The following ATP1B3 variants were observed in gnomAD, a reference collection of about 807,000 sequenced individuals.
ATP1B3 encodes ATPase Na+/K+ transporting subunit beta 3, also known as sodium/potassium-transporting ATPase subunit beta-3.
In ATP1B3, 10 loss-of-function variants were observed where a neutral mutation model predicts 30.2. The observed-to-expected ratio is 0.33, with a 90% CI of 0.20 to 0.56. The LOEUF is 0.56. ATP1B3 is among the 20% of genes least tolerant of loss of function. The probability of loss-of-function intolerance (pLI) is 0.90; values close to 1 mark genes in which losing one functional copy is unlikely to be tolerated. For synonymous variants in ATP1B3, 113 were observed against 117.0 expected, an observed-to-expected ratio of 0.97 and a Z score of 0.22; for missense variants, 238 against 336.7, an observed-to-expected ratio of 0.71 and a Z score of 2.29.
At chr3:141,901,992 C>A (rs1482898467) in intron 1 of ATP1B3, 4 of 492,770 alleles carry the variant, frequency 8.1e-6, no homozygotes, top group African/African-American at 6.0e-5. Flanking sequence ...GATTTTATCC[C>A]TTCGTTCCTG....
chr3:141,922,827 G>C (rs1027141359), intron 6 of ATP1B3, among the ~76,000 whole-genome samples: 5 of 151,832 alleles, frequency 3.3e-5, no homozygotes, highest in African/African-American at 1.2e-4. Flanking sequence ...TTAGCTGGGC[G>C]TGGTGGCAGG....
chr3:141,903,053 G>C (rs1199282144), intron 1 of ATP1B3: 2 of 152,954 alleles, frequency 1.3e-5, no homozygotes, highest in Non-Finnish European at 2.9e-5. Flanking sequence ...TAAAGACAAA[G>C]TGTTTCCTGG....
chr3:141,884,548 ATTAACAT>A (rs1933795093), intron 1 of ATP1B3, among the ~76,000 whole-genome samples: 1 of 152,154 alleles, frequency 6.6e-6, no homozygotes, highest in African/African-American at 2.4e-5. Context: ...GCCAAAGGAG[ATTAACAT>A]TTAAGTCAGT....
At chr3:141,894,651 A>G (rs1293213194) in intron 1 of ATP1B3, among the ~76,000 whole-genome samples, 1 of 152,212 alleles carries the variant, frequency 6.6e-6, no homozygotes, top group East Asian at 1.9e-4. Context: ...CAGAATCATC[A>G]GTATCACCGT....
rs1223743213 is a variant in ATP1B3 at position 141,913,800 on chromosome 3, T to C, written c.495T>C (p.Ser165=). ...TGAATGATCCTGATTTTGGCTATTC[T>C]CAAGGAAACCCTTGTATTCTTGTGA... ...SGMNDPDFGY[S]QGNPCILVKM... is the part of the protein sequence containing the mutation. Residue 165 remains serine, a synonymous_variant, in exon 4 of 7, where the codon TCT becomes TCC. Transcript: ENST00000286371. The C allele has an allele frequency of 6.2e-7, 1 of 1,613,894 alleles. No homozygotes were observed. Among genetic ancestry groups the C allele is most frequent in the Admixed American group, 1.7e-5 (1 of 59,974 alleles).
chr3:141,881,797 G>A (rs1408588885), intron 1 of ATP1B3, among the ~76,000 whole-genome samples: 2 of 152,202 alleles, frequency 1.3e-5, no homozygotes, highest in Non-Finnish European at 2.9e-5. Context: ...GAAAGTAACA[G>A]GACTTGCCTT....
At chr3:141,913,897 C>T in intron 4 of ATP1B3, 61 bp downstream of exon 4, 1 of 1,462,454 alleles carries the variant, frequency 6.8e-7, no homozygotes, top group Non-Finnish European at 9.2e-7. Flanking sequence ...AAGGAGGCAA[C>T]TATTTTTAGA....
At chr3:141,903,487 A>G (rs1934205274) in intron 1 of ATP1B3, 133 bp from the exon 2 acceptor site, 1 of 1,311,316 alleles carries the variant, frequency 7.6e-7, no homozygotes, top group South Asian at 1.4e-5. Flanking sequence ...ATATGAGGAT[A>G]TTTGGCTATG....
At chr3:141,899,418 TC>T (rs1374409608) in intron 1 of ATP1B3, among the ~76,000 whole-genome samples, 1 of 152,192 alleles carries the variant, frequency 6.6e-6, no homozygotes, top group Non-Finnish European at 1.5e-5. Context: ...GCCCAATCTT[TC>T]TAGCATCTAG....
intron 3 of ATP1B3, among the ~76,000 whole-genome samples, chr3:141,908,046 CTT>C (rs545727073): frequency 0.013 from 1,121 of 88,110 alleles, 15 homozygotes; most frequent in African/African-American, 0.041. Context: ...AAGGAAGAAT[CTT>C]TTTTTTTGTG....
intron 1 of ATP1B3, among the ~76,000 whole-genome samples, chr3:141,897,134 G>A (rs554335549): frequency 7.1e-4 from 108 of 152,226 alleles, no homozygotes; most frequent in African/African-American, 2.5e-3. Context: ...TGCATACTGA[G>A]AGAAGCAAAG....
At chr3:141,890,255 T>C (rs1050721474) in intron 1 of ATP1B3, among the ~76,000 whole-genome samples, 3 of 147,302 alleles carry the variant, frequency 2.0e-5, no homozygotes, top group Non-Finnish European at 3.0e-5. Flanking sequence ...GCTAATTTTT[T>C]GATTTTTGTT....
intron 1 of ATP1B3, among the ~76,000 whole-genome samples, chr3:141,877,832 T>TC (rs1933635506): frequency 3.7e-5 from 1 of 26,784 alleles, no homozygotes; most frequent in African/African-American, 3.7e-4. Flanking sequence ...AGGCTAGAGC[T>TC]TTTTTTTTTT....
intron 1 of ATP1B3, among the ~76,000 whole-genome samples, chr3:141,881,293 T>G (rs1360794007): frequency 6.6e-6 from 1 of 152,194 alleles, no homozygotes; most frequent in African/African-American, 2.4e-5. Context: ...TGGGGTTCAT[T>G]ATCTTTATTA....
At chr3:141,889,036 A>G (rs999380589) in intron 1 of ATP1B3, among the ~76,000 whole-genome samples, 2 of 151,970 alleles carry the variant, frequency 1.3e-5, no homozygotes, top group African/African-American at 4.8e-5. Context: ...AGGCAAAGGG[A>G]AAGCAAGGCA....
chr3:141,894,055 A>G lies in ATP1B3; in HGVS notation c.110-9565A>G, dbSNP rs761991795. The stretch of plus-strand genomic sequence containing the variant: ...TGTTAGCAATTGTAACACAATGGTA[A>G]GTATTTGTCTGTAAACATATCTCAA... On this transcript the variant is annotated intron_variant, in intron 1 of 6. Transcript: ENST00000286371. Among the ~76,000 whole-genome samples the G allele has an allele frequency of 5.0e-4, 76 of 152,340 alleles. 3 individuals are homozygous for G. The highest frequency in any genetic ancestry group is 3.4e-3 in the Middle Eastern group (1 of 294).
intron 1 of ATP1B3, among the ~76,000 whole-genome samples, chr3:141,884,194 C>T (rs908070812): frequency 6.6e-6 from 1 of 151,860 alleles, no homozygotes; most frequent in East Asian, 1.9e-4. Context: ...CCTGTTTAAA[C>T]TTTGTTACTG....
intron 5 of ATP1B3, chr3:141,916,521 TTTG>T: frequency 7.8e-7 from 1 of 1,282,850 alleles, no homozygotes; most frequent in South Asian, 1.2e-5. Context: ...ATAACTTTCT[TTTG>T]TTTTCTCTCC....
At chr3:141,913,574 TCC>T in intron 3 of ATP1B3, 76 bp from the exon 4 acceptor site, 2 of 1,224,368 alleles carry the variant, frequency 1.6e-6, no homozygotes, top group Non-Finnish European at 2.2e-6. Context: ...AAGAACATTT[TCC>T]AAAGGTTAAT....
Sources: gnomAD v4.1 joint callset for allele counts (sites outside exome capture counted in the v4.1 genomes callset) on GRCh38, gnomAD v4.1.1 for gene constraint, MANE v1.5 for transcripts, NCBI Gene and HGNC (gene_info 2026-07-23, HGNC 2026-07-21) for gene names.